The following LINGO2 variants were observed in gnomAD, a reference collection of about 807,000 sequenced individuals.
The protein encoded by LINGO2 is leucine-rich repeat and immunoglobulin-like domain-containing nogo receptor-interacting protein 2.
LINGO2 carries 14 observed loss-of-function variants against 30.6 expected under a neutral mutation model. That is an observed-to-expected ratio of 0.46 (90% CI 0.30 to 0.72). The LOEUF (loss-of-function observed/expected upper bound fraction) is 0.72, where lower values mean the gene tolerates loss of function less well. Among genes scored for constraint, LINGO2 ranks in the 30% least tolerant of loss-of-function variants. The pLI is 0.07. For missense variants in LINGO2, 729 were observed against 751.7 expected (o/e 0.97, Z 0.35); for synonymous variants, 317 against 288.5 (o/e 1.10, Z -1.00).
chr9:28,369,362 G>A (rs532844865), intron 3 of LINGO2, among the ~76,000 whole-genome samples: 1 of 151,954 alleles, frequency 6.6e-6, no homozygotes, highest in Non-Finnish European at 1.5e-5. Flanking sequence ...TCTTATTTTA[G>A]TTACTTTTGG....
chr9:28,872,762 C>A, the LINGO2 span, among the ~76,000 whole-genome samples: 1 of 152,120 alleles, frequency 6.6e-6, no homozygotes, highest in Non-Finnish European at 1.5e-5. Flanking sequence ...TAAAGTTCTG[C>A]ACCTACAATC....
chr9:27,986,816 C>T (rs1464616243), intron 5 of LINGO2, among the ~76,000 whole-genome samples: 2 of 151,802 alleles, frequency 1.3e-5, no homozygotes, highest in Non-Finnish European at 2.9e-5. Context: ...GCCAAACGAG[C>T]TGGAGAAGGG....
At chr9:28,511,418 C>T (rs1414115098) in intron 1 of LINGO2, among the ~76,000 whole-genome samples, 1 of 152,138 alleles carries the variant, frequency 6.6e-6, no homozygotes, top group African/African-American at 2.4e-5. Flanking sequence ...GTAGCCAGGT[C>T]AGCCGTGGTG....
chr9:29,026,951 T>C, the LINGO2 span, among the ~76,000 whole-genome samples: 1 of 152,098 alleles, frequency 6.6e-6, no homozygotes. Flanking sequence ...TTAAACTAAA[T>C]AAAATAACAA....
intron 4 of LINGO2, among the ~76,000 whole-genome samples, chr9:28,137,968 A>T (rs1827564722): frequency 6.6e-6 from 1 of 152,216 alleles, no homozygotes; most frequent in Non-Finnish European, 1.5e-5. Context: ...AGCTGCCATA[A>T]GCAACTGAGT....
At chr9:28,117,906 C>A (rs1474367180) in intron 4 of LINGO2, among the ~76,000 whole-genome samples, 1 of 152,166 alleles carries the variant, frequency 6.6e-6, no homozygotes, top group Admixed American at 6.5e-5. Flanking sequence ...CTTAATAGCA[C>A]AAGACATGGG....
At chr9:28,169,945 G>T (rs1828535313) in intron 4 of LINGO2, among the ~76,000 whole-genome samples, 1 of 151,990 alleles carries the variant, frequency 6.6e-6, no homozygotes, top group African/African-American at 2.4e-5. Context: ...GGTATTTAAG[G>T]TTACATCCCT....
the LINGO2 span, among the ~76,000 whole-genome samples, chr9:28,730,004 G>C: frequency 6.6e-6 from 1 of 151,878 alleles, no homozygotes; most frequent in Non-Finnish European, 1.5e-5. Context: ...TTTCTCAATA[G>C]CAACAGTAGA....
chr9:29,142,819 G>A, the LINGO2 span, among the ~76,000 whole-genome samples: 1 of 151,778 alleles, frequency 6.6e-6, no homozygotes, highest in Non-Finnish European at 1.5e-5. Context: ...AAGAAGTTAA[G>A]AAAATAAAAA....
the LINGO2 span, among the ~76,000 whole-genome samples, chr9:28,708,510 T>C: frequency 6.6e-6 from 1 of 152,108 alleles, no homozygotes; most frequent in African/African-American, 2.4e-5. Context: ...GACTGTACTA[T>C]GAATAATAAA....
intron 4 of LINGO2, among the ~76,000 whole-genome samples, chr9:28,280,125 G>C (rs1823266304): frequency 6.6e-6 from 1 of 152,104 alleles, no homozygotes; most frequent in East Asian, 1.9e-4. Flanking sequence ...ATCATTTAAA[G>C]ATGTGGATGA....
the LINGO2 span, among the ~76,000 whole-genome samples, chr9:28,762,912 A>T: frequency 6.6e-6 from 1 of 152,020 alleles, no homozygotes; most frequent in Non-Finnish European, 1.5e-5. Context: ...GAGGAACAGA[A>T]ATGTTTTTGA....
chr9:28,381,850 G>A (rs1564163716), intron 2 of LINGO2, among the ~76,000 whole-genome samples: 1 of 152,024 alleles, frequency 6.6e-6, no homozygotes, highest in East Asian at 1.9e-4. Context: ...TTAGAATGCT[G>A]CCCTGTGAGT....
intron 4 of LINGO2, among the ~76,000 whole-genome samples, chr9:28,062,750 A>T (rs756172568): frequency 6.6e-5 from 10 of 150,694 alleles, no homozygotes; most frequent in Non-Finnish European, 1.2e-4. Context: ...TTGAGATATA[A>T]TTCACATATC....
At chr9:28,068,579 A>G (rs1215869236) in intron 4 of LINGO2, among the ~76,000 whole-genome samples, 1 of 152,232 alleles carries the variant, frequency 6.6e-6, no homozygotes, top group Non-Finnish European at 1.5e-5. Flanking sequence ...AATAGTAATC[A>G]TTACATACTT....
At chr9:28,605,646 A>AGCT (rs1279884034) in intron 1 of LINGO2, among the ~76,000 whole-genome samples, 1 of 152,020 alleles carries the variant, frequency 6.6e-6, no homozygotes, top group Non-Finnish European at 1.5e-5. Flanking sequence ...GCCTAAGTTA[A>AGCT]GCTTCTTCTT....
chr9:28,983,655 A>C, the LINGO2 span, among the ~76,000 whole-genome samples: 1 of 152,112 alleles, frequency 6.6e-6, no homozygotes, highest in East Asian at 1.9e-4. Context: ...TTTATTAAAT[A>C]ATGTGTTTAA....
intron 1 of LINGO2, among the ~76,000 whole-genome samples, chr9:28,668,409 A>G (rs1828883798): frequency 1.3e-5 from 2 of 152,132 alleles, no homozygotes. Flanking sequence ...AACTTCGGTT[A>G]AAATAAAGTT....
chr9:29,046,287 T>C, the LINGO2 span, among the ~76,000 whole-genome samples: 1 of 152,164 alleles, frequency 6.6e-6, no homozygotes, highest in Non-Finnish European at 1.5e-5. Flanking sequence ...ACAGCCTCAA[T>C]ATGCAAGGCA....
Sources: allele counts gnomAD v4.1 joint callset (sites outside exome capture counted in the v4.1 genomes callset), GRCh38; gene constraint gnomAD v4.1.1; transcripts MANE v1.5; gene names NCBI Gene and HGNC (gene_info 2026-07-23, HGNC 2026-07-21).